The following MAN1A1 variants were observed in gnomAD, a reference collection of about 807,000 sequenced individuals.
MAN1A1 encodes the protein mannosidase alpha class 1A member 1, also known as mannosyl-oligosaccharide 1,2-alpha-mannosidase IA.
MAN1A1 carries 29 observed loss-of-function variants against 70.8 expected under a neutral mutation model. The ratio of observed to expected loss-of-function variants is 0.41; its 90% CI spans 0.31 to 0.56. MAN1A1 has a LOEUF of 0.56. MAN1A1 is among the 20% of genes least tolerant of loss of function. MAN1A1 has a pLI of 0.29. For synonymous variants in MAN1A1, 349 were observed against 330.1 expected (o/e 1.06, Z -0.62); for missense variants, 747 against 841.3 (o/e 0.89, Z 1.39).
At chr6:119,249,761 T>G (rs1252118572) in intron 5 of MAN1A1, among the ~76,000 whole-genome samples, 4 of 152,096 alleles carry the variant, frequency 2.6e-5, no homozygotes, top group Admixed American at 2.6e-4. Context: ...AATCCAGTAA[T>G]ACCAATGTTG....
intron 11 of MAN1A1, among the ~76,000 whole-genome samples, chr6:119,183,165 G>C (rs576715605): frequency 6.6e-6 from 1 of 152,196 alleles, no homozygotes; most frequent in Non-Finnish European, 1.5e-5. Context: ...AGAGAGCAGA[G>C]AGACTATGAG....
intron 5 of MAN1A1, among the ~76,000 whole-genome samples, chr6:119,260,752 C>G (rs1775585035): frequency 6.6e-6 from 1 of 152,086 alleles, no homozygotes; most frequent in African/African-American, 2.4e-5. Context: ...CTATAAACAA[C>G]TCAATGAAAC....
At chr6:119,225,564 A>G (rs1238577524) in intron 6 of MAN1A1, among the ~76,000 whole-genome samples, 1 of 152,218 alleles carries the variant, frequency 6.6e-6, no homozygotes, top group Non-Finnish European at 1.5e-5. Context: ...TAACTATAAC[A>G]AGAACCACCC....
intron 2 of MAN1A1, among the ~76,000 whole-genome samples, chr6:119,340,659 T>C (rs1204679929): frequency 2.0e-5 from 3 of 152,164 alleles, no homozygotes; most frequent in South Asian, 2.1e-4. Flanking sequence ...AGCAATGCTG[T>C]GTTATTAAAC....
At position 119,179,881 on chromosome 6, in the gene MAN1A1, C is replaced by T. The variant is rs752268356; in HGVS notation, c.1900G>A (p.Glu634Lys). The stretch of plus-strand genomic sequence containing the variant: ...GGGAGGATAGGGAGAAGATGTGCCT[C>T]GCTATTGAAGATCCAATGCTCCAGT... ...LPLEHWIFNS[E>K]AHLLPILPKD... Residue 634 changes from glutamate (E) to lysine (K), a missense_variant, in exon 13 of 13, where the codon GAG becomes AAG. Physicochemically the swap from Glu to Lys is moderately conservative, Grantham distance 56. This residue lies in a region of MAN1A1 where 419 missense variants were observed against 548.2 expected (regional missense o/e 0.76). Transcript: ENST00000368468. 3.7e-6 allele frequency: 6 copies of T among 1,613,058 alleles called. No individual in the cohort carries two copies. The highest frequency in any genetic ancestry group is 1.7e-4 in the Middle Eastern group (1 of 6,058).
At chr6:119,340,625 G>C (rs1218221604) in intron 2 of MAN1A1, among the ~76,000 whole-genome samples, 2 of 152,142 alleles carry the variant, frequency 1.3e-5, no homozygotes, top group African/African-American at 4.8e-5. Flanking sequence ...ACAGGCACCA[G>C]CAACAAAGGT....
At chr6:119,211,844 ATT>A (rs572097707) in intron 6 of MAN1A1, among the ~76,000 whole-genome samples, 40 of 141,622 alleles carry the variant, frequency 2.8e-4, no homozygotes, top group Non-Finnish European at 3.1e-4. Flanking sequence ...AATAGTAGGA[ATT>A]TTTTTTTTTT....
rs3798614 is a variant in MAN1A1 at position 119,221,098 on chromosome 6, C to G, written c.993-16216G>C. ...CAGCAGGTCAACAACAGTTACAAGC[C>G]CAGTGCTTTAGCATTATCTGAAAAA... On this transcript the variant is annotated intron_variant, in intron 6 of 12. Transcript: ENST00000368468. 7.9e-3 allele frequency among the ~76,000 whole-genome samples: 1,194 copies of G among 150,738 alleles called. 30 individuals carry two copies. The highest frequency in any genetic ancestry group is 0.064 in the Admixed American group (960 of 15,028).
intron 9 of MAN1A1, among the ~76,000 whole-genome samples, chr6:119,191,884 A>C (rs1350024997): frequency 6.6e-6 from 1 of 152,210 alleles, no homozygotes; most frequent in Non-Finnish European, 1.5e-5. Flanking sequence ...AATCTTCTAA[A>C]GTACAACTTA....
At chr6:119,257,040 T>C (rs545112331) in intron 5 of MAN1A1, among the ~76,000 whole-genome samples, 1 of 152,152 alleles carries the variant, frequency 6.6e-6, no homozygotes, top group Non-Finnish European at 1.5e-5. Context: ...GAATTTTTTT[T>C]AAAAAGTGAG....
At chr6:119,346,977 A>C (rs1166848008) in intron 2 of MAN1A1, among the ~76,000 whole-genome samples, 1 of 152,228 alleles carries the variant, frequency 6.6e-6, no homozygotes, top group Admixed American at 6.5e-5. Context: ...TAGCACAGGC[A>C]GGATTTCATG....
chr6:119,272,341 T>C (rs2299886), intron 5 of MAN1A1, among the ~76,000 whole-genome samples: 46,516 of 151,982 alleles, frequency 0.31, 7,474 homozygotes, highest in East Asian at 0.53. Flanking sequence ...TGCTCATTAC[T>C]GAAAAGCTTT....
chr6:119,257,414 TC>T (rs112779600), intron 5 of MAN1A1, among the ~76,000 whole-genome samples: 138 of 152,292 alleles, frequency 9.1e-4, no homozygotes, highest in African/African-American at 3.2e-3. Context: ...TTCTGGGTCA[TC>T]AAGGTTATGA....
intron 6 of MAN1A1, among the ~76,000 whole-genome samples, chr6:119,208,457 T>C (rs1773947204): frequency 6.6e-6 from 1 of 152,226 alleles, no homozygotes; most frequent in Admixed American, 6.5e-5. Context: ...CTTTTGAAAG[T>C]GTGGAATGCT....
chr6:119,326,273 G>A (rs1483655005), intron 2 of MAN1A1, among the ~76,000 whole-genome samples: 3 of 152,210 alleles, frequency 2.0e-5, no homozygotes, highest in African/African-American at 7.2e-5. Context: ...AGCAGGCCGA[G>A]CTGTGTCCTG....
chr6:119,309,564 T>C (rs1223840736), intron 2 of MAN1A1, among the ~76,000 whole-genome samples: 1 of 152,176 alleles, frequency 6.6e-6, no homozygotes, highest in Admixed American at 6.5e-5. Flanking sequence ...TAGTCTTTCA[T>C]TAACTTAATT....
intron 2 of MAN1A1, among the ~76,000 whole-genome samples, chr6:119,331,628 CATACTAGTAAAT>C (rs1487019428): frequency 1.4e-5 from 2 of 144,094 alleles, no homozygotes; most frequent in East Asian, 3.9e-4. Context: ...TACATGAACA[CATACTAGTAAAT>C]ATAGTTGTTA....
intron 5 of MAN1A1, among the ~76,000 whole-genome samples, chr6:119,252,297 C>T (rs183436249): frequency 4.6e-5 from 7 of 152,220 alleles, no homozygotes; most frequent in East Asian, 1.9e-4. Flanking sequence ...GGGCATTTCT[C>T]GCTTTATTAA....
chr6:119,221,960 T>A (rs183312950), intron 6 of MAN1A1, among the ~76,000 whole-genome samples: 8 of 152,294 alleles, frequency 5.3e-5, no homozygotes, highest in Non-Finnish European at 8.8e-5. Context: ...TTTTGGGAAA[T>A]TATTTTGAAG....
Sources: gnomAD v4.1 joint callset for allele counts (sites outside exome capture counted in the v4.1 genomes callset) on GRCh38, gnomAD v4.1.1 for gene constraint, gnomAD v4.1.1 regional missense constraint, MANE v1.5 for transcripts, NCBI Gene and HGNC (gene_info 2026-07-23, HGNC 2026-07-21) for gene names.